Variants in MTMR3 observed in about 807,000 individuals in gnomAD.
MTMR3 encodes the protein myotubularin related protein 3, also known as phosphatidylinositol-3,5-bisphosphate 3-phosphatase MTMR3.
In MTMR3, 32 loss-of-function variants were observed where a neutral mutation model predicts 132.4. That is an observed-to-expected ratio of 0.24 (90% CI 0.18 to 0.32). The LOEUF is 0.32. Among genes scored for constraint, MTMR3 ranks in the 10% least tolerant of loss-of-function variants. The probability of loss-of-function intolerance (pLI) is 1.00; values close to 1 mark genes in which losing one functional copy is unlikely to be tolerated. For missense variants in MTMR3, 1,216 were observed against 1,489.6 expected, an observed-to-expected ratio of 0.82 and a Z score of 3.02; for synonymous variants, 556 against 550.3, an observed-to-expected ratio of 1.01 and a Z score of -0.14.
At chr22:29,904,505 A>ATT (rs1283475479) in intron 1 of MTMR3, among the ~76,000 whole-genome samples, 26 of 152,264 alleles carry the variant, frequency 1.7e-4, no homozygotes, top group African/African-American at 5.3e-4. Context: ...AAGTTCTTTA[A>ATT]CTTCTCTGAG....
Position 30,027,014 on chromosome 22 carries a change from G to C in MTMR3, c.*1213G>C, listed in dbSNP as rs1211782878. ...GTAGGGTTCCTTAGAGAAGTGACAT[G>C]GCCTTGAGGAGATTCAGGGCACCTT... On this transcript the variant is annotated 3_prime_UTR_variant, in exon 20 of 20. Coordinates refer to ENST00000401950, the MANE Select transcript of MTMR3 (RefSeq NM_021090.4). 6.5e-6 allele frequency: 1 copy of C among 152,776 alleles called. No individual in the cohort carries two copies. The highest frequency in any genetic ancestry group is 1.5e-5 in the Non-Finnish European group (1 of 68,058). 9.5% of individuals were successfully genotyped at this position (152,776 alleles called of 1,614,324 possible). A position where few individuals can be genotyped will look rare whatever the true frequency, so the allele number is the denominator to read the frequency against.
Position 30,013,371 on chromosome 22 carries a change from G to T in MTMR3, c.1333G>T (p.Val445Leu), listed in dbSNP as rs1341520111. Residue 445 changes from valine (V) to leucine (L), a missense_variant, in exon 14 of 20, where the codon GTG (valine) becomes TTG (leucine). Physicochemically the swap from Val to Leu is conservative, Grantham distance 32. This residue lies in a region of MTMR3 where 106 missense variants were observed against 209.5 expected (regional missense o/e 0.51). Transcript: ENST00000401950. ...YRTIEGFQVLVEMEWLDFGHK... is the reference protein window; with the variant it reads ...YRTIEGFQVLLEMEWLDFGHK... ...TTCCCTGCAGGGTTTCCAGGTCCTC[G>T]TGGAAATGGAGTGGCTGGATTTTGG... 2.5e-6 allele frequency: 4 copies of T among 1,613,828 alleles called. No individual in the cohort carries two copies. The South Asian group carries it at 3.3e-5, about 13-fold the overall frequency.
chr22:29,948,799 T>TAAA (rs35433786), intron 1 of MTMR3, among the ~76,000 whole-genome samples: 1 of 145,470 alleles, frequency 6.9e-6, no homozygotes. Flanking sequence ...TATTATTGTC[T>TAAA]AAAAAAAAAA....
chr22:29,918,060 G>C (rs1217186366), intron 1 of MTMR3, among the ~76,000 whole-genome samples: 1 of 152,188 alleles, frequency 6.6e-6, no homozygotes, highest in East Asian at 1.9e-4. Context: ...GTGAGTTTAA[G>C]TGTTTAATTT....
chr22:30,008,155 A>C, intron 11 of MTMR3, 123 bp downstream of exon 11: 2 of 1,260,294 alleles, frequency 1.6e-6, no homozygotes, highest in South Asian at 3.0e-5. Context: ...TCCTGTCGTG[A>C]GAGTGCCAGA....
chr22:29,939,140 A>G (rs1432303997), intron 1 of MTMR3, among the ~76,000 whole-genome samples: 2 of 152,154 alleles, frequency 1.3e-5, no homozygotes, highest in African/African-American at 4.8e-5. Flanking sequence ...TACGTTTTCT[A>G]ATTGTGCTGC....
intron 14 of MTMR3, chr22:30,014,502 C>CTTTTTTTTTTTTT (rs56934428): frequency 6.3e-5 from 5 of 78,796 alleles, no homozygotes; most frequent in East Asian, 4.6e-4. Flanking sequence ...CCCTCCAGTT[C>CTTTTTTTTTTTTT]TTTTTTTTTT....
intron 19 of MTMR3, chr22:30,024,579 C>G (rs1040443473): frequency 6.6e-6 from 1 of 152,166 alleles, no homozygotes; most frequent in African/African-American, 2.4e-5. Flanking sequence ...TCCTCCTGTG[C>G]CTAAGTGATC....
intron 5 of MTMR3, chr22:29,985,980 T>C (rs2066849861): frequency 6.6e-6 from 1 of 150,498 alleles, no homozygotes; most frequent in Non-Finnish European, 1.5e-5. Context: ...CAAAGGCTAA[T>C]CCATTTCCCC....
chr22:29,979,288 C>T (rs867699240), intron 5 of MTMR3: 7 of 326,876 alleles, frequency 2.1e-5, no homozygotes, highest in East Asian at 7.6e-5. Context: ...GTCAGGAGAT[C>T]GAGACCATCC....
Position 30,014,408 on chromosome 22 carries a change from AGTTGACTTCTAGTACTTCCTTGCT to A in MTMR3, c.1503+871_1503+894del, listed in dbSNP as rs2067516625. The A allele has an allele frequency of 2.0e-5, 3 of 151,778 alleles. No individual in the cohort carries two copies. The South Asian group carries it at 6.2e-4, about 32-fold the overall frequency. The allele number at this position is 151,778 out of a possible 1,614,324, so 9.4% of individuals were successfully genotyped here. A position where few individuals can be genotyped will look rare whatever the true frequency, so the allele number is the denominator to read the frequency against. On this transcript the variant is annotated intron_variant, in intron 14 of 19. Transcript: ENST00000401950. Reference sequence around the variant, plus strand: ...AATTGACCTTCTAGTACTTCCTTGCAGTTGACTTCTAGTACTTCCTTGCTGTTAGTTCTCCTTTTACCTTACTGG... The same window carrying A: ...AATTGACCTTCTAGTACTTCCTTGCAGTTAGTTCTCCTTTTACCTTACTGG...
chr22:30,007,787 G>A, intron 10 of MTMR3, 114 bp from the exon 11 acceptor site: 18 of 1,268,264 alleles, frequency 1.4e-5, no homozygotes, highest in Non-Finnish European at 1.8e-5. Flanking sequence ...TTGGTTAGGG[G>A]ATTTCATTTT....
intron 1 of MTMR3, chr22:29,899,481 C>G (rs769723526): frequency 6.6e-6 from 1 of 152,056 alleles, no homozygotes; most frequent in Non-Finnish European, 1.5e-5. Context: ...CTTTAGTTTC[C>G]CAGGCAAATA....
chr22:29,915,730 C>T (rs2065296373), intron 1 of MTMR3, among the ~76,000 whole-genome samples: 1 of 152,128 alleles, frequency 6.6e-6, no homozygotes, highest in Non-Finnish European at 1.5e-5. Flanking sequence ...GGCTGACAGT[C>T]TCCTTTTAAT....
intron 6 of MTMR3, 129 bp from the exon 7 acceptor site, chr22:29,991,375 T>C: frequency 5.0e-6 from 4 of 804,068 alleles, no homozygotes; most frequent in Non-Finnish European, 7.4e-6. Flanking sequence ...AATGACTGAC[T>C]GCCTCAGATG....
At chr22:29,905,414 A>T (rs1328418867) in intron 1 of MTMR3, among the ~76,000 whole-genome samples, 1 of 152,170 alleles carries the variant, frequency 6.6e-6, no homozygotes, top group Non-Finnish European at 1.5e-5. Flanking sequence ...TCTCCTTAAA[A>T]TTTCATAGTT....
At chr22:29,995,307 C>T (rs2067040209) in intron 7 of MTMR3, 1 of 152,214 alleles carries the variant, frequency 6.6e-6, no homozygotes, top group South Asian at 2.1e-4. Context: ...TGAAAATCTG[C>T]TAAGAGGTAG....
rs55960706 is a variant in MTMR3 at position 29,966,726 on chromosome 22, C to CGTGTGTGT, written c.-84-4211_-84-4204dup. 7.7e-4 allele frequency among the ~76,000 whole-genome samples: 110 copies of CGTGTGTGT among 142,960 alleles called. 1 individual carries two copies. The highest frequency in any genetic ancestry group is 3.5e-3 in the Middle Eastern group (1 of 286). The allele number at this position is 142,960 out of a possible 152,430, so 93.8% of individuals were successfully genotyped here. A position where few individuals can be genotyped will look rare whatever the true frequency, so the allele number is the denominator to read the frequency against. On this transcript the variant is annotated intron_variant, in intron 2 of 19. Coordinates refer to ENST00000401950, the MANE Select transcript of MTMR3 (RefSeq NM_021090.4). ...TCCACTGGTGACCTGTAGGGGTGTG[C>CGTGTGTGT]GTGTGTGTGTGTGTGTGTGTGTGTG...
At chr22:29,966,042 T>C (rs1281101109) in intron 2 of MTMR3, among the ~76,000 whole-genome samples, 1 of 152,222 alleles carries the variant, frequency 6.6e-6, no homozygotes, top group African/African-American at 2.4e-5. Context: ...ATTTCAAATA[T>C]ATAAAAGTAG....
Sources: gnomAD v4.1 joint callset for allele counts (sites outside exome capture counted in the v4.1 genomes callset) on GRCh38, gnomAD v4.1.1 for gene constraint, gnomAD v4.1.1 regional missense constraint, MANE v1.5 for transcripts, NCBI Gene and HGNC (gene_info 2026-07-23, HGNC 2026-07-21) for gene names.